Variants in FHIP1A observed in about 807,000 individuals in gnomAD.
FHIP1A encodes FHF complex subunit HOOK interacting protein 1A.
A neutral mutation model predicts 88.6 loss-of-function variants in FHIP1A; 61 were observed. The observed-to-expected ratio is 0.69, with a 90% CI of 0.56 to 0.85. The LOEUF (loss-of-function observed/expected upper bound fraction) is 0.85. FHIP1A is among the 40% of genes least tolerant of loss of function. The probability of loss-of-function intolerance (pLI) is 0.00; values close to 1 mark genes in which losing one functional copy is unlikely to be tolerated. For missense variants in FHIP1A, 1,154 were observed against 1,273.5 expected, an observed-to-expected ratio of 0.91 and a Z score of 1.43; for synonymous variants, 478 against 496.0, an observed-to-expected ratio of 0.96 and a Z score of 0.48.
chr4:151,628,192 G>A (rs936678010), intron 7 of FHIP1A, among the ~76,000 whole-genome samples: 1 of 152,140 alleles, frequency 6.6e-6, no homozygotes, highest in Non-Finnish European at 1.5e-5. Context: ...GCTAGGGGAA[G>A]GGGATTTGCG....
chr4:151,582,987 G>C (rs1156467472), intron 5 of FHIP1A, among the ~76,000 whole-genome samples: 3 of 152,146 alleles, frequency 2.0e-5, no homozygotes, highest in African/African-American at 7.2e-5. Flanking sequence ...TGTTCCCACA[G>C]CACTCCGTAT....
chr4:151,549,619 C>A (rs1326924619), intron 3 of FHIP1A, among the ~76,000 whole-genome samples: 7 of 151,838 alleles, frequency 4.6e-5, no homozygotes, highest in African/African-American at 9.7e-5. Context: ...AGTATGTAAT[C>A]AAAAAATAAG....
chr4:151,533,426 A>G (rs1018422957), intron 3 of FHIP1A, among the ~76,000 whole-genome samples: 25 of 152,030 alleles, frequency 1.6e-4, no homozygotes, highest in African/African-American at 5.8e-4. Context: ...AAACAAACAA[A>G]CAAACAAACA....
intron 5 of FHIP1A, among the ~76,000 whole-genome samples, chr4:151,581,719 A>G (rs1447855054): frequency 2.6e-5 from 4 of 152,218 alleles, no homozygotes; most frequent in Middle Eastern, 3.2e-3. Flanking sequence ...TATGTTGAAG[A>G]TAAAAGCATA....
At position 151,663,684 on chromosome 4, in the gene FHIP1A, G is replaced by C. The variant is rs1219588794; in HGVS notation, c.*930G>C. On this transcript the variant is annotated 3_prime_UTR_variant, in exon 14 of 14. Coordinates refer to ENST00000435205, the MANE Select transcript of FHIP1A (RefSeq NM_001109977.3). ...CAGGGAGGGTATGCTGGGTGGGATG[G>C]GGAGATAAACTAAATGCAGCCTGTA... 1.3e-5 allele frequency: 2 copies of C among 152,116 alleles called. No individual in the cohort carries two copies. The allele number at this position is 152,116 out of a possible 1,614,324, so 9.4% of individuals were successfully genotyped here.
intron 7 of FHIP1A, among the ~76,000 whole-genome samples, chr4:151,602,040 G>A (rs1734891632): frequency 6.6e-6 from 1 of 151,950 alleles, no homozygotes; most frequent in Non-Finnish European, 1.5e-5. Context: ...AATGTCACCA[G>A]AACAGCATGG....
At chr4:151,495,319 A>G (rs1259221050) in intron 3 of FHIP1A, among the ~76,000 whole-genome samples, 1 of 152,114 alleles carries the variant, frequency 6.6e-6, no homozygotes, top group Non-Finnish European at 1.5e-5. Context: ...CCTGGCCAAC[A>G]TGGCGAAACT....
intron 4 of FHIP1A, among the ~76,000 whole-genome samples, chr4:151,572,960 T>C (rs1009963140): frequency 2.0e-5 from 3 of 152,188 alleles, no homozygotes; most frequent in African/African-American, 7.2e-5. Context: ...GCACTTCCTG[T>C]TTAGAATTTG....
chr4:151,608,037 CTTTTTTTTTTTTTT>C (rs376335318), intron 7 of FHIP1A, among the ~76,000 whole-genome samples: 3 of 67,138 alleles, frequency 4.5e-5, no homozygotes, highest in Admixed American at 2.2e-4. Context: ...CTTTCTTCTT[CTTTTTTTTTTTTTT>C]TTTTTTTTTT....
At chr4:151,644,535 A>G (rs1736716133) in intron 9 of FHIP1A, among the ~76,000 whole-genome samples, 1 of 152,056 alleles carries the variant, frequency 6.6e-6, no homozygotes, top group South Asian at 2.1e-4. Context: ...TATGTTTTAT[A>G]GAAACAGGAT....
At chr4:151,502,335 C>T (rs1398135720) in intron 3 of FHIP1A, among the ~76,000 whole-genome samples, 1 of 150,334 alleles carries the variant, frequency 6.7e-6, no homozygotes, top group East Asian at 1.9e-4. Context: ...AACAAACAAA[C>T]AAACAAACAA....
Position 151,656,970 on chromosome 4 carries a change from C to G in FHIP1A, c.2869+72C>G. The G allele has an allele frequency of 7.0e-7, 1 of 1,421,778 alleles. No individual in the cohort carries two copies. The highest frequency in any genetic ancestry group is 2.5e-5 in the East Asian group (1 of 39,914). 88.1% of individuals were successfully genotyped at this position (1,421,778 alleles called of 1,614,324 possible). Reference sequence around the variant, plus strand: ...CGTCCCTGGCCTACTGGCCTCAGTTCACAGATGCTGCACTGGCTTCTGGAT... The same window carrying G: ...CGTCCCTGGCCTACTGGCCTCAGTTGACAGATGCTGCACTGGCTTCTGGAT... On this transcript the variant is annotated intron_variant, in intron 13 of 13. Coordinates refer to ENST00000435205, the MANE Select transcript of FHIP1A (RefSeq NM_001109977.3). The surrounding 1 kb of genome is among the most constrained non-coding windows in gnomAD (Gnocchi z 4.2).
chr4:151,606,239 C>A (rs1735070201), intron 7 of FHIP1A, among the ~76,000 whole-genome samples: 1 of 152,312 alleles, frequency 6.6e-6, no homozygotes, highest in African/African-American at 2.4e-5. Context: ...TGTTCTCTGG[C>A]AGACTTCCCG....
At chr4:151,555,981 C>T (rs974807935) in intron 3 of FHIP1A, among the ~76,000 whole-genome samples, 8 of 152,048 alleles carry the variant, frequency 5.3e-5, no homozygotes. Context: ...TTTACATTCT[C>T]AGAACAAATA....
chr4:151,522,884 T>C (rs181161956), intron 3 of FHIP1A, among the ~76,000 whole-genome samples: 58 of 152,352 alleles, frequency 3.8e-4, no homozygotes, highest in Non-Finnish European at 5.9e-4. Flanking sequence ...CCCTTTACAC[T>C]GTGATCTTTA....
chr4:151,425,333 A>G lies in FHIP1A; in HGVS notation c.-356+15868A>G, dbSNP rs550312577. On this transcript the variant is annotated intron_variant, in intron 1 of 13. Transcript: ENST00000435205. Reference sequence around the variant, plus strand: ...CAGTTTTTTCAATAAATAAATGACAAGAAAAACAAAGAGGGAAGAGGAACT... The same window carrying G: ...CAGTTTTTTCAATAAATAAATGACAGGAAAAACAAAGAGGGAAGAGGAACT... Among the ~76,000 whole-genome samples, 15 of 152,326 alleles carry G rather than the reference A, an allele frequency of 9.8e-5. No homozygotes were observed. The East Asian group carries it at 2.9e-3, about 29-fold the overall frequency.
intron 3 of FHIP1A, among the ~76,000 whole-genome samples, chr4:151,494,645 C>G (rs1197611412): frequency 6.6e-6 from 1 of 152,034 alleles, no homozygotes; most frequent in South Asian, 2.1e-4. Flanking sequence ...ATTTCCTTGG[C>G]CATTTGGGCT....
chr4:151,546,426 G>A (rs143889707), intron 3 of FHIP1A, among the ~76,000 whole-genome samples: 2 of 152,346 alleles, frequency 1.3e-5, no homozygotes, highest in East Asian at 3.9e-4. Context: ...CTCCATAATT[G>A]CGTGAGCTAA....
chr4:151,425,465 A>G (rs1733327772), intron 1 of FHIP1A, among the ~76,000 whole-genome samples: 1 of 152,204 alleles, frequency 6.6e-6, no homozygotes, highest in Non-Finnish European at 1.5e-5. Context: ...GAATAATATG[A>G]GAAATTTAAA....
Sources: allele counts gnomAD v4.1 joint callset (sites outside exome capture counted in the v4.1 genomes callset), GRCh38; gene constraint gnomAD v4.1.1; non-coding constraint Gnocchi (gnomAD v3.1); transcripts MANE v1.5; gene names NCBI Gene and HGNC (gene_info 2026-07-23, HGNC 2026-07-21).